Variants in PTPRD observed in about 807,000 individuals in gnomAD.
PTPRD encodes the protein protein tyrosine phosphatase receptor type D.
PTPRD carries 34 observed loss-of-function variants against 214.5 expected under a neutral mutation model. The observed-to-expected ratio is 0.16, with a 90% confidence interval of 0.12 to 0.21. PTPRD has a LOEUF of 0.21. PTPRD is among the 10% of genes least tolerant of loss of function. The pLI is 1.00. For synonymous variants in PTPRD, 1,128 were observed against 845.7 expected (o/e 1.33, Z -5.79); for missense variants, 2,545 against 2,398.7 (o/e 1.06, Z -1.27).
Position 9,894,919 on chromosome 9 carries a change from G to C in PTPRD, c.-368+43588C>G, listed in dbSNP as rs369155629. The stretch of plus-strand genomic sequence containing the variant: ...AACAAAAGAGCCAGAAATGGCTTTT[G>C]ATTTTAACTCTAAGAACAAAAGAGC... On this transcript the variant is annotated intron_variant, in intron 5 of 45. Coordinates refer to ENST00000381196, the MANE Select transcript of PTPRD (RefSeq NM_002839.4). Among the ~76,000 whole-genome samples, 10 of 151,924 alleles carry C rather than the reference G, an allele frequency of 6.6e-5. No homozygotes were observed. The East Asian group carries it at 1.7e-3, about 26-fold the overall frequency.
At chr9:9,252,930 T>C (rs2099976099) in intron 9 of PTPRD, among the ~76,000 whole-genome samples, 1 of 152,026 alleles carries the variant, frequency 6.6e-6, no homozygotes, top group Non-Finnish European at 1.5e-5. Context: ...GAAATTAACA[T>C]AAACAAATTT....
chr9:10,393,378 T>C (rs1413164439), intron 2 of PTPRD, among the ~76,000 whole-genome samples: 1 of 151,768 alleles, frequency 6.6e-6, no homozygotes, highest in Non-Finnish European at 1.5e-5. Context: ...TTATGATCCA[T>C]ATCATAATGA....
intron 3 of PTPRD, among the ~76,000 whole-genome samples, chr9:10,164,113 A>G (rs779687038): frequency 4.0e-5 from 6 of 151,474 alleles, no homozygotes; most frequent in Non-Finnish European, 8.9e-5. Context: ...TTCAACTGAT[A>G]TCTGGATATC....
chr9:10,235,442 C>T (rs1024100527), intron 3 of PTPRD, among the ~76,000 whole-genome samples: 3 of 151,894 alleles, frequency 2.0e-5, no homozygotes, highest in African/African-American at 7.2e-5. Context: ...TAGCTAGCTG[C>T]TCATGTCAGA....
At chr9:10,025,869 C>T (rs1181125382) in intron 4 of PTPRD, among the ~76,000 whole-genome samples, 3 of 152,156 alleles carry the variant, frequency 2.0e-5, no homozygotes, top group East Asian at 1.9e-4. Flanking sequence ...GTTCACGGAA[C>T]ATTTCAACCT....
intron 2 of PTPRD, among the ~76,000 whole-genome samples, chr9:10,343,427 G>A (rs753167964): frequency 8.6e-5 from 13 of 152,020 alleles, no homozygotes; most frequent in Non-Finnish European, 1.6e-4. Flanking sequence ...GAATAGTGCT[G>A]CAATATACAT....
chr9:10,433,643 A>G (rs1354645022), intron 2 of PTPRD, among the ~76,000 whole-genome samples: 1 of 151,978 alleles, frequency 6.6e-6, no homozygotes, highest in Non-Finnish European at 1.5e-5. Context: ...TTGGAAATAG[A>G]TAAAAGCAAT....
chr9:9,547,795 T>TACACACACACACACACACACACAC (rs751097312), intron 8 of PTPRD, among the ~76,000 whole-genome samples: 1 of 79,566 alleles, frequency 1.3e-5, no homozygotes. Context: ...TAAACACAAA[T>TACACACACACACACACACACACAC]TCACACACAC....
intron 9 of PTPRD, among the ~76,000 whole-genome samples, chr9:9,230,473 A>G (rs948756588): frequency 6.6e-6 from 1 of 152,088 alleles, no homozygotes; most frequent in African/African-American, 2.4e-5. Context: ...CACACCTGAG[A>G]ATAGGGTTGT....
chr9:9,437,567 G>A (rs142619982), intron 8 of PTPRD, among the ~76,000 whole-genome samples: 1 of 152,246 alleles, frequency 6.6e-6, no homozygotes, highest in Non-Finnish European at 1.5e-5. Context: ...AGTCCTGCTT[G>A]AGGGTTCTTC....
intron 35 of PTPRD, among the ~76,000 whole-genome samples, chr9:8,422,568 C>T (rs376263644): frequency 2.0e-4 from 31 of 152,028 alleles, no homozygotes; most frequent in African/African-American, 5.8e-4. Flanking sequence ...CAGCAGTGAA[C>T]GAGGTTAGAA....
At chr9:10,548,522 G>A (rs552174587) in intron 2 of PTPRD, among the ~76,000 whole-genome samples, 2 of 152,132 alleles carry the variant, frequency 1.3e-5, no homozygotes, top group African/African-American at 4.8e-5. Flanking sequence ...GTGAAAGCCT[G>A]GAAAAGTGAA....
chr9:10,236,928 G>T (rs1032431851), intron 3 of PTPRD, among the ~76,000 whole-genome samples: 1 of 151,646 alleles, frequency 6.6e-6, no homozygotes, highest in Non-Finnish European at 1.5e-5. Context: ...ATTCTTTGGT[G>T]GGGGGGCTGA....
chr9:8,333,757 G>C lies in PTPRD; in HGVS notation c.5380-2021C>G, dbSNP rs115254640. Among the ~76,000 whole-genome samples the C allele has an allele frequency of 7.7e-3, 1,168 of 151,878 alleles. 18 individuals carry two copies. Among genetic ancestry groups the C allele is most frequent in the African/African-American group, 0.026 (1,073 of 41,472 alleles). ...TGCCCCAATTAAAAGACACGGACTG[G>C]CCAATTGGATAAAGAGTAAAGACCC... On this transcript the variant is annotated intron_variant, in intron 43 of 45. Coordinates refer to ENST00000381196, the MANE Select transcript of PTPRD (RefSeq NM_002839.4).
At chr9:9,286,302 TATCAG>T (rs1469295747) in intron 9 of PTPRD, among the ~76,000 whole-genome samples, 1 of 151,876 alleles carries the variant, frequency 6.6e-6, no homozygotes, top group African/African-American at 2.4e-5. Context: ...TTGCTTTTGT[TATCAG>T]ATGAGTCCCA....
At chr9:10,179,134 T>C (rs546011680) in intron 3 of PTPRD, among the ~76,000 whole-genome samples, 1 of 152,122 alleles carries the variant, frequency 6.6e-6, no homozygotes, top group South Asian at 2.1e-4. Context: ...TCACCTAAAA[T>C]ATAGAATGAG....
intron 7 of PTPRD, among the ~76,000 whole-genome samples, chr9:9,625,499 A>G (rs1482549534): frequency 6.6e-6 from 1 of 151,918 alleles, no homozygotes; most frequent in Non-Finnish European, 1.5e-5. Context: ...GTACCACCCC[A>G]ACAGCTTCTC....
In PTPRD at chr9:10,184,783, C is replaced by T. The variant is rs189811430; in HGVS notation, c.-544-150993G>A. Among the ~76,000 whole-genome samples, 204 of 152,232 alleles carry T rather than the reference C, an allele frequency of 1.3e-3. 1 individual carries two copies. The highest frequency in any genetic ancestry group is 4.6e-3 in the African/African-American group (189 of 41,538). On this transcript the variant is annotated intron_variant, in intron 3 of 45. Coordinates refer to ENST00000381196, the MANE Select transcript of PTPRD (RefSeq NM_002839.4). ...CTTGAGTCAGTCAAAGTGATAAATG[C>T]GAGGTTTCCTGAGGATCAAATAAGA...
At chr9:8,338,793 T>A in intron 43 of PTPRD, 129 bp downstream of exon 43, 1 of 835,742 alleles carries the variant, frequency 1.2e-6, no homozygotes, top group Non-Finnish European at 1.7e-6. Flanking sequence ...AAAAACGTTC[T>A]CCAGAATGAA....
Sources: gnomAD v4.1 joint callset for allele counts (sites outside exome capture counted in the v4.1 genomes callset) on GRCh38, gnomAD v4.1.1 for gene constraint, MANE v1.5 for transcripts, NCBI Gene and HGNC (gene_info 2026-07-23, HGNC 2026-07-21) for gene names.